DOCK5: variants seen among roughly 807,000 people sequenced by gnomAD.
DOCK5 encodes the protein dedicator of cytokinesis 5, also known as dedicator of cytokinesis protein 5.
Under a neutral mutation model 251.8 loss-of-function variants are expected in DOCK5, and 142 were observed. The observed-to-expected ratio is 0.56, with a 90% CI of 0.49 to 0.65. The LOEUF (loss-of-function observed/expected upper bound fraction) is 0.65, where lower values mean the gene tolerates loss of function less well. Among genes scored for constraint, DOCK5 ranks in the 30% least tolerant of loss-of-function variants. DOCK5 has a pLI of 0.00. For synonymous variants in DOCK5, 842 were observed against 835.5 expected (o/e 1.01, Z -0.13); for missense variants, 2,111 against 2,312.3 (o/e 0.91, Z 1.79).
chr8:25,267,474 T>C (rs1053848260), intron 2 of DOCK5, among the ~76,000 whole-genome samples: 1 of 152,214 alleles, frequency 6.6e-6, no homozygotes, highest in Non-Finnish European at 1.5e-5. Context: ...AAGTAGAGTA[T>C]GTGTCTATTT....
chr8:25,188,478 G>A (rs1437362020), intron 1 of DOCK5, among the ~76,000 whole-genome samples: 1 of 152,182 alleles, frequency 6.6e-6, no homozygotes, highest in East Asian at 1.9e-4. Context: ...GTCTGTGTGA[G>A]GATAGAGCTT....
At chr8:25,283,351 C>T (rs1300879584) in intron 5 of DOCK5, among the ~76,000 whole-genome samples, 1 of 152,164 alleles carries the variant, frequency 6.6e-6, no homozygotes, top group Non-Finnish European at 1.5e-5. Context: ...GCTGAGTATC[C>T]TGTGCGGGTC....
intron 2 of DOCK5, among the ~76,000 whole-genome samples, chr8:25,248,021 C>A (rs564351147): frequency 1.3e-5 from 2 of 152,240 alleles, no homozygotes; most frequent in South Asian, 4.2e-4. Context: ...TAAAAGTAAG[C>A]GCATGTCAAG....
intron 45 of DOCK5, among the ~76,000 whole-genome samples, 195 bp from the exon 46 acceptor site, chr8:25,399,716 A>G (rs1271714871): frequency 1.3e-5 from 2 of 152,154 alleles, no homozygotes; most frequent in Non-Finnish European, 2.9e-5. Flanking sequence ...GAATTTGCTA[A>G]TTAAGGAAAG....
intron 42 of DOCK5, 40 bp from the exon 43 acceptor site, chr8:25,391,856 C>T (rs1198210363): frequency 6.3e-7 from 1 of 1,593,372 alleles, no homozygotes; most frequent in Non-Finnish European, 8.6e-7. Flanking sequence ...AGTGGTTGTT[C>T]TAAGAGAGAA....
At chr8:25,381,221 A>G (rs1157225830) in intron 39 of DOCK5, among the ~76,000 whole-genome samples, 3 of 152,266 alleles carry the variant, frequency 2.0e-5, no homozygotes, top group African/African-American at 7.2e-5. Flanking sequence ...ACCCATAGTC[A>G]TGAAATAATC....
At chr8:25,411,161 C>T (rs768154891) in intron 51 of DOCK5, 33 bp from the exon 52 acceptor site, 4 of 1,508,474 alleles carry the variant, frequency 2.7e-6, no homozygotes, top group Non-Finnish European at 2.7e-6. Context: ...AAAGCTAAGA[C>T]CTGCTTCTAA....
intron 26 of DOCK5, among the ~76,000 whole-genome samples, chr8:25,349,021 G>C (rs978358357): frequency 6.6e-6 from 1 of 152,128 alleles, no homozygotes; most frequent in Non-Finnish European, 1.5e-5. Flanking sequence ...GCATCTCCTG[G>C]AGAGGCTGAT....
intron 8 of DOCK5, among the ~76,000 whole-genome samples, chr8:25,300,096 G>C (rs1804723794): frequency 6.6e-6 from 1 of 152,112 alleles, no homozygotes; most frequent in Non-Finnish European, 1.5e-5. Flanking sequence ...AGTAGAGATG[G>C]AGTTTTACCA....
chr8:25,408,061 C>T lies in DOCK5; in HGVS notation c.5172C>T (p.Asn1724=), dbSNP rs780026521. 5.0e-6 allele frequency: 8 copies of T among 1,609,122 alleles called. No individual in the cohort carries two copies. The highest frequency in any genetic ancestry group is 6.8e-6 in the Non-Finnish European group (8 of 1,177,808). ...RVEDLSLREE[N]SENRISKFKR... Reference sequence around the variant, plus strand: ...AAGATCTGTCCCTTAGAGAGGAGAACAGCGAGAACCGGATCAGCAAGTTTA... The same window carrying T: ...AAGATCTGTCCCTTAGAGAGGAGAATAGCGAGAACCGGATCAGCAAGTTTA... The change falls in exon 49 of 52, where the codon AAC becomes AAT. Residue 1724 remains asparagine (N), a synonymous_variant. Coordinates refer to ENST00000276440, the MANE Select transcript of DOCK5 (RefSeq NM_024940.8).
rs1395070523 is a variant in DOCK5, at chr8:25,412,234, T to C, written c.*936T>C. The C allele has an allele frequency of 6.6e-6, 1 of 152,200 alleles. No individual in the cohort carries two copies. The highest frequency in any genetic ancestry group is 1.5e-5 in the Non-Finnish European group (1 of 68,032). The allele number at this position is 152,200 out of a possible 1,614,324, so 9.4% of individuals were successfully genotyped here. A position where few individuals can be genotyped will look rare whatever the true frequency, so the allele number is the denominator to read the frequency against. ...TGCTACCTGATTTTATCCTGGAGAA[T>C]ACAGTGCAATATTTCTCTTTGATTA... is the stretch of plus-strand genomic sequence containing the variant. On this transcript the variant is annotated 3_prime_UTR_variant, in exon 52 of 52. Transcript: ENST00000276440.
At chr8:25,342,999 C>G (rs760550131) in intron 25 of DOCK5, among the ~76,000 whole-genome samples, 43 of 151,770 alleles carry the variant, frequency 2.8e-4, no homozygotes, top group Non-Finnish European at 4.0e-4. Context: ...GCCACCGCGT[C>G]CGGCTTGTTT....
intron 1 of DOCK5, among the ~76,000 whole-genome samples, chr8:25,234,916 A>T (rs1265399391): frequency 6.6e-6 from 1 of 152,008 alleles, no homozygotes; most frequent in Non-Finnish European, 1.5e-5. Flanking sequence ...TTCCTGATTC[A>T]CTGTTTTCAT....
rs766505388 is a variant in DOCK5, at chr8:25,317,095, G to A, written c.1407G>A (p.Thr469=). Residue 469 remains threonine, a synonymous_variant, in exon 14 of 52, where the codon ACG becomes ACA. Transcript: ENST00000276440. ...AGACGCCAAAGAATGTGGAGGTGAC[G>A]ATGTCTGTGCACGATGAGGAGGGCA... is the stretch of plus-strand genomic sequence containing the variant. ...KKKTPKNVEV[T]MSVHDEEGKL... 7 of 1,613,804 alleles carry A rather than the reference G, an allele frequency of 4.3e-6. No homozygotes were observed. The highest frequency in any genetic ancestry group is 4.0e-5 in the African/African-American group (3 of 74,914).
chr8:25,407,093 ATATG>A (rs1801535933), intron 48 of DOCK5, among the ~76,000 whole-genome samples: 1 of 152,170 alleles, frequency 6.6e-6, no homozygotes, highest in African/African-American at 2.4e-5. Flanking sequence ...TAATACAAAA[ATATG>A]TATGTAACTT....
intron 27 of DOCK5, among the ~76,000 whole-genome samples, chr8:25,352,617 A>G (rs1188404856): frequency 1.3e-5 from 2 of 152,260 alleles, no homozygotes; most frequent in Non-Finnish European, 2.9e-5. Flanking sequence ...GAAAAGAACT[A>G]TTTCAAATTC....
chr8:25,284,106 G>C (rs564376824), intron 5 of DOCK5, among the ~76,000 whole-genome samples: 1 of 152,224 alleles, frequency 6.6e-6, no homozygotes, highest in African/African-American at 2.4e-5. Flanking sequence ...AAAACAGAAA[G>C]AACTTGGATG....
chr8:25,230,500 A>G (rs1802642369), intron 1 of DOCK5, among the ~76,000 whole-genome samples: 1 of 152,198 alleles, frequency 6.6e-6, no homozygotes, highest in Non-Finnish European at 1.5e-5. Flanking sequence ...GCATACATAT[A>G]TAAATATCTG....
At position 25,214,916 on chromosome 8, in the gene DOCK5, A is replaced by T. The variant is rs79284210; in HGVS notation, c.44-28758A>T. ...TACCCTAACTTTGTTTTTATCCGCC[A>T]CTGGCCAGCTGCAAATTTGCTCTTG... On this transcript the variant is annotated intron_variant, in intron 1 of 51. Coordinates refer to ENST00000276440, the MANE Select transcript of DOCK5 (RefSeq NM_024940.8). Among the ~76,000 whole-genome samples, 1,497 of 152,134 alleles carry T rather than the reference A, an allele frequency of 9.8e-3. 20 individuals are homozygous for T. The highest frequency in any genetic ancestry group is 0.034 in the African/African-American group (1,395 of 41,500).
Sources: gnomAD v4.1 joint callset for allele counts (sites outside exome capture counted in the v4.1 genomes callset) on GRCh38, gnomAD v4.1.1 for gene constraint, MANE v1.5 for transcripts, NCBI Gene and HGNC (gene_info 2026-07-23, HGNC 2026-07-21) for gene names.